The following LRRC3B variants were observed in gnomAD, a reference collection of about 807,000 sequenced individuals.
LRRC3B encodes the protein leucine rich repeat containing 3B, also known as leucine-rich repeat-containing protein 3B.
In LRRC3B, 2 loss-of-function variants were observed where a neutral mutation model predicts 12.8. The observed-to-expected ratio is 0.16, with a 90% CI of 0.06 to 0.49. The LOEUF is 0.49. Ranked by LOEUF, LRRC3B falls within the 20% of genes least tolerant of loss-of-function variation. The pLI is 0.96. For synonymous variants in LRRC3B, 132 were observed against 122.0 expected, an observed-to-expected ratio of 1.08 and a Z score of -0.54; for missense variants, 189 against 319.4, an observed-to-expected ratio of 0.59 and a Z score of 3.11.
At chr3:26,695,992 C>A (rs1168675802) in intron 1 of LRRC3B, among the ~76,000 whole-genome samples, 1 of 152,190 alleles carries the variant, frequency 6.6e-6, no homozygotes, top group Non-Finnish European at 1.5e-5. Flanking sequence ...AAGGTATTCC[C>A]ATTTTGTTAT....
intron 1 of LRRC3B, among the ~76,000 whole-genome samples, chr3:26,664,783 T>A (rs966451434): frequency 2.6e-5 from 4 of 152,232 alleles, no homozygotes; most frequent in Middle Eastern, 3.4e-3. Context: ...CTCTCGCATC[T>A]ATCAGCATTG....
chr3:26,679,057 T>G (rs577217322), intron 1 of LRRC3B, among the ~76,000 whole-genome samples: 2 of 152,214 alleles, frequency 1.3e-5, no homozygotes, highest in Non-Finnish European at 2.9e-5. Flanking sequence ...CATAGGATTG[T>G]TATGCATAGC....
At position 26,625,305 on chromosome 3, in the gene LRRC3B, T is replaced by A. The variant is rs1465236350; in HGVS notation, c.-161+2068T>A. On this transcript the variant is annotated intron_variant, in intron 1 of 1. Transcript: ENST00000396641. ...GACTCGCCAGGGCTCCCGGGAGAAA[T>A]CCCGAGGTCAGTCCCTCCCATTCTG... is the stretch of plus-strand genomic sequence containing the variant. The A allele has an allele frequency of 2.0e-5, 3 of 152,298 alleles. No individual in the cohort carries two copies. In the East Asian group the frequency reaches 5.8e-4, roughly 30 times the overall value. 9.4% of individuals were successfully genotyped at this position (152,298 alleles called of 1,614,324 possible). A position where few individuals can be genotyped will look rare whatever the true frequency, so the allele number is the denominator to read the frequency against.
chr3:26,666,320 A>C (rs563011152), intron 1 of LRRC3B, among the ~76,000 whole-genome samples: 1 of 152,258 alleles, frequency 6.6e-6, no homozygotes, highest in East Asian at 1.9e-4. Context: ...CAAATTTATG[A>C]AAGTTTATTA....
chr3:26,626,259 T>C (rs376499917), intron 1 of LRRC3B, among the ~76,000 whole-genome samples: 91 of 152,348 alleles, frequency 6.0e-4, no homozygotes, highest in African/African-American at 2.2e-3. Context: ...CTGAACCTTT[T>C]GTAGACATTC....
At chr3:26,693,786 A>G (rs922774775) in intron 1 of LRRC3B, among the ~76,000 whole-genome samples, 2 of 152,220 alleles carry the variant, frequency 1.3e-5, no homozygotes, top group African/African-American at 4.8e-5. Context: ...TTACTGCTTT[A>G]TAAGGTTTTC....
chr3:26,647,083 T>C (rs910398895), intron 1 of LRRC3B, among the ~76,000 whole-genome samples: 1 of 151,982 alleles, frequency 6.6e-6, no homozygotes, highest in Non-Finnish European at 1.5e-5. Context: ...CCAAGAACCT[T>C]CCTGTTTCCA....
chr3:26,676,682 G>A (rs909786269), intron 1 of LRRC3B, among the ~76,000 whole-genome samples: 2 of 152,128 alleles, frequency 1.3e-5, no homozygotes, highest in African/African-American at 2.4e-5. Context: ...TCAGTGTGGC[G>A]ATTCCTCAGG....
In LRRC3B at chr3:26,688,292, C is replaced by T. The variant is rs150165930; in HGVS notation, c.-160-21221C>T. On this transcript the variant is annotated intron_variant, in intron 1 of 1. Coordinates refer to ENST00000396641, the Ensembl canonical transcript of LRRC3B. Reference sequence around the variant, plus strand: ...CAGGCACACATTTTAAATAAAGAACCGCAGAAAGAATAATATTTGCTACTG... The same window carrying T: ...CAGGCACACATTTTAAATAAAGAACTGCAGAAAGAATAATATTTGCTACTG... 1.8e-3 allele frequency among the ~76,000 whole-genome samples: 277 copies of T among 152,172 alleles called. 2 individuals are homozygous for T. Among genetic ancestry groups the T allele is most frequent in the African/African-American group, 2.3e-3 (96 of 41,518 alleles).
intron 1 of LRRC3B, among the ~76,000 whole-genome samples, chr3:26,671,343 T>G (rs1699723490): frequency 2.7e-5 from 2 of 74,558 alleles, no homozygotes; most frequent in African/African-American, 2.2e-4. Context: ...TGTGTGTATA[T>G]ATGTGTGTAT....
chr3:26,674,336 A>C (rs2046885), intron 1 of LRRC3B, among the ~76,000 whole-genome samples: 34,068 of 152,160 alleles, frequency 0.22, 4,236 homozygotes, highest in East Asian at 0.4. Context: ...TATGAATGTA[A>C]AAACATTAAC....
chr3:26,685,153 A>T (rs1311540866), intron 1 of LRRC3B, among the ~76,000 whole-genome samples: 6 of 151,904 alleles, frequency 3.9e-5, no homozygotes, highest in Non-Finnish European at 5.9e-5. Context: ...GGGTTTCAAC[A>T]AGTTGGTCAG....
chr3:26,650,702 C>T (rs951377217), intron 1 of LRRC3B, among the ~76,000 whole-genome samples: 22 of 151,990 alleles, frequency 1.4e-4, no homozygotes, highest in Non-Finnish European at 8.8e-5. Context: ...ATGCAAGCTC[C>T]AAATAGCTCA....
chr3:26,675,721 G>T (rs1027886026), intron 1 of LRRC3B, among the ~76,000 whole-genome samples: 1 of 152,066 alleles, frequency 6.6e-6, no homozygotes, highest in Non-Finnish European at 1.5e-5. Flanking sequence ...TAATTACAGC[G>T]TAGTTAAAGG....
intron 1 of LRRC3B, among the ~76,000 whole-genome samples, chr3:26,693,592 C>T (rs7616110): frequency 0.35 from 53,056 of 151,970 alleles, 12,651 homozygotes; most frequent in African/African-American, 0.65. Context: ...TCAAACCATG[C>T]GAAATAGATA....
intron 1 of LRRC3B, among the ~76,000 whole-genome samples, chr3:26,702,146 C>T (rs1038921715): frequency 2.6e-5 from 4 of 152,078 alleles, no homozygotes; most frequent in South Asian, 2.1e-4. Flanking sequence ...ACCTCATGGT[C>T]TAGCAGTAGA....
chr3:26,654,728 G>C (rs1211543682), intron 1 of LRRC3B, among the ~76,000 whole-genome samples: 2 of 152,198 alleles, frequency 1.3e-5, no homozygotes, highest in Non-Finnish European at 2.9e-5. Context: ...TTCTGTAGAA[G>C]TGCTTGGATA....
chr3:26,642,278 A>G (rs1699045702), intron 1 of LRRC3B, among the ~76,000 whole-genome samples: 1 of 152,222 alleles, frequency 6.6e-6, no homozygotes, highest in South Asian at 2.1e-4. Context: ...ATCCCCTGCA[A>G]GGATCTTAGG....
At chr3:26,701,221 T>C (rs534675201) in intron 1 of LRRC3B, 2 of 152,172 alleles carry the variant, frequency 1.3e-5, no homozygotes, top group Non-Finnish European at 2.9e-5. Flanking sequence ...TCCCTTTGTT[T>C]CAGGCTCAAA....
Sources: allele counts gnomAD v4.1 joint callset (sites outside exome capture counted in the v4.1 genomes callset), GRCh38; gene constraint gnomAD v4.1.1; transcripts MANE v1.5; gene names NCBI Gene and HGNC (gene_info 2026-07-23, HGNC 2026-07-21).